Variants in NAXD observed in about 807,000 individuals in gnomAD.
NAXD encodes the protein ATP-dependent (S)-NAD(P)H-hydrate dehydratase.
Under a neutral mutation model 35.8 loss-of-function variants are expected in NAXD, and 22 were observed. That is an observed-to-expected ratio of 0.62 (90% CI 0.44 to 0.88). The LOEUF is 0.88. NAXD is among the 40% of genes least tolerant of loss of function. NAXD has a pLI of 0.00. For missense variants in NAXD, 428 were observed against 437.7 expected (o/e 0.98, Z 0.20); for synonymous variants, 189 against 177.6 (o/e 1.06, Z -0.51).
At position 110,625,407 on chromosome 13, in the gene NAXD, G is replaced by C. The variant is rs574866997; in HGVS notation, c.332+129G>C. The C allele has an allele frequency of 6.4e-5, 43 of 669,204 alleles. No homozygotes were observed. The East Asian group carries it at 1.2e-3, about 18-fold the overall frequency. The allele number at this position is 669,204 out of a possible 1,614,324, so 41.5% of individuals were successfully genotyped here. A position where few individuals can be genotyped will look rare whatever the true frequency, so the allele number is the denominator to read the frequency against. The stretch of plus-strand genomic sequence containing the variant: ...AGAGTTTCTCAGCAGGTGCTGTAGA[G>C]GAAGTAGGGAAATGAAGGAGCCCGT... On this transcript the variant is annotated intron_variant, in intron 4 of 9. Transcript: ENST00000680254.
At chr13:110,637,284 C>T in intron 9 of NAXD, 35 bp downstream of exon 9, 1 of 1,612,762 alleles carries the variant, frequency 6.2e-7, no homozygotes, top group Non-Finnish European at 8.5e-7. Context: ...TACTTTGAAA[C>T]CGTCTGATTT....
At chr13:110,623,369 C>T (rs1013813037) in intron 2 of NAXD, among the ~76,000 whole-genome samples, 33 of 152,222 alleles carry the variant, frequency 2.2e-4, no homozygotes, top group African/African-American at 7.0e-4. Context: ...TGACGGAGGG[C>T]AGGGCTCTTC....
intron 8 of NAXD, 70 bp from the exon 9 acceptor site, chr13:110,637,059 C>A: frequency 6.6e-7 from 1 of 1,520,300 alleles, no homozygotes. Context: ...CGGCCTTCCA[C>A]ACCCGTGGCT....
At chr13:110,625,140 C>T in intron 3 of NAXD, 50 bp from the exon 4 acceptor site, 4 of 1,385,774 alleles carry the variant, frequency 2.9e-6, no homozygotes, top group Non-Finnish European at 3.1e-6. Flanking sequence ...GGCGGGTGGG[C>T]AGCGATGCCG....
At chr13:110,631,329 C>T (rs1269254086) in intron 5 of NAXD, among the ~76,000 whole-genome samples, 1 of 152,164 alleles carries the variant, frequency 6.6e-6, no homozygotes. Context: ...TCAGCTTTTT[C>T]TTCATGTTAA....
In NAXD at chr13:110,625,213, C is replaced by T. The variant is rs1232437193; in HGVS notation, c.267C>T (p.Phe89=). The change falls in exon 4 of 10, where the codon TTC becomes TTT. Residue 89 remains phenylalanine, a synonymous_variant. Transcript: ENST00000680254. ...AGGGCGCAGACTTGTCCCACGTGTT[C>T]TGTGCCAGTGCGGCCGCACCTGTGA... ...LKVGADLSHV[F]CASAAAPVIK... 3.1e-6 allele frequency: 5 copies of T among 1,613,986 alleles called. No homozygotes were observed. The highest frequency in any genetic ancestry group is 1.7e-5 in the Admixed American group (1 of 60,034).
chr13:110,635,956 T>C (rs1324306490), intron 8 of NAXD, among the ~76,000 whole-genome samples: 4 of 152,254 alleles, frequency 2.6e-5, no homozygotes, highest in African/African-American at 9.6e-5. Flanking sequence ...CCACCATCCA[T>C]GCAGTTATTT....
intron 2 of NAXD, among the ~76,000 whole-genome samples, chr13:110,623,583 CT>C (rs1791418505): frequency 6.6e-6 from 1 of 152,244 alleles, no homozygotes; most frequent in African/African-American, 2.4e-5. Flanking sequence ...GTGGTTGTCA[CT>C]TTCTTCTCTC....
rs1886863808 is a variant in NAXD at position 110,634,892 on chromosome 13, C to T, written c.597+116C>T. The stretch of plus-strand genomic sequence containing the variant: ...CCCTGTGGACACACCTGCAAGTAAT[C>T]GCTGTGCCTCTCCCAGCGGATGGCG... On this transcript the variant is annotated intron_variant, in intron 7 of 9. Transcript: ENST00000680254. The T allele has an allele frequency of 3.1e-5, 23 of 740,036 alleles. No individual in the cohort carries two copies. The South Asian group carries it at 3.3e-4, about 11-fold the overall frequency. The allele number at this position is 740,036 out of a possible 1,614,324, so 45.8% of individuals were successfully genotyped here.
At chr13:110,633,613 A>G (rs902610712) in intron 5 of NAXD, among the ~76,000 whole-genome samples, 2 of 152,198 alleles carry the variant, frequency 1.3e-5, no homozygotes, top group Non-Finnish European at 1.5e-5. Context: ...AATGTTTTCT[A>G]TTTTAATGTT....
intron 6 of NAXD, 22 bp downstream of exon 6, chr13:110,634,617 T>C: frequency 1.2e-6 from 2 of 1,614,154 alleles, no homozygotes; most frequent in South Asian, 2.2e-5. Flanking sequence ...TCTCTCCTCC[T>C]GGCTCGGACT....
At chr13:110,619,672 G>C (rs1032474288) in intron 1 of NAXD, among the ~76,000 whole-genome samples, 3 of 152,162 alleles carry the variant, frequency 2.0e-5, no homozygotes, top group Non-Finnish European at 2.9e-5. Context: ...TTGAGATATT[G>C]CTGGTTGTCA....
chr13:110,632,160 C>T (rs559575544), intron 5 of NAXD, among the ~76,000 whole-genome samples: 51 of 135,106 alleles, frequency 3.8e-4, no homozygotes, highest in African/African-American at 1.3e-3. Flanking sequence ...CTGGTGGGTT[C>T]GTGGTCTCTG....
At position 110,638,175 on chromosome 13, in the gene NAXD, C is replaced by T; in HGVS notation, c.840-203C>T. ...CGAGTACATAGACGTTTCCTGTGTG[C>T]CTCCTGCCAGGGAGTAGTGGAGGGT... is the stretch of plus-strand genomic sequence containing the variant. On this transcript the variant is annotated intron_variant, in intron 9 of 9. Coordinates refer to ENST00000680254, the MANE Select transcript of NAXD (RefSeq NM_001242882.2). This position sits in a 1 kb window ranked among gnomAD's most constrained non-coding sequence, Gnocchi z 5.4. 6.9e-7 allele frequency: 1 copy of T among 1,446,258 alleles called. No homozygotes were observed. The allele number at this position is 1,446,258 out of a possible 1,614,324, so 89.6% of individuals were successfully genotyped here.
intron 5 of NAXD, among the ~76,000 whole-genome samples, chr13:110,627,954 C>T (rs934060161): frequency 3.3e-5 from 5 of 152,202 alleles, no homozygotes; most frequent in African/African-American, 9.6e-5. Context: ...CCACACAGCC[C>T]TGGCGCCATG....
At chr13:110,618,949 C>T (rs7987797) in intron 1 of NAXD, among the ~76,000 whole-genome samples, 3 of 152,330 alleles carry the variant, frequency 2.0e-5, no homozygotes, top group African/African-American at 7.2e-5. Flanking sequence ...AGGACAAGCA[C>T]TTGGAACACA....
chr13:110,627,911 C>G (rs1315199061), intron 5 of NAXD, among the ~76,000 whole-genome samples: 2 of 152,104 alleles, frequency 1.3e-5, no homozygotes, highest in African/African-American at 4.8e-5. Flanking sequence ...CTGGGGGATC[C>G]TGGGGTTCCC....
chr13:110,624,941 C>T (rs567205121), intron 3 of NAXD, among the ~76,000 whole-genome samples: 5 of 152,242 alleles, frequency 3.3e-5, no homozygotes, highest in East Asian at 3.8e-4. Context: ...GTGACCAGAC[C>T]GAGCTGGGCC....
intron 2 of NAXD, 62 bp downstream of exon 2, chr13:110,622,428 G>T: frequency 6.4e-7 from 1 of 1,552,238 alleles, no homozygotes; most frequent in South Asian, 1.1e-5. Context: ...CTGCTTACCT[G>T]ACTGTCATTC....
Sources: allele counts gnomAD v4.1 joint callset (sites outside exome capture counted in the v4.1 genomes callset), GRCh38; gene constraint gnomAD v4.1.1; non-coding constraint Gnocchi (gnomAD v3.1); transcripts MANE v1.5; gene names NCBI Gene and HGNC (gene_info 2026-07-23, HGNC 2026-07-21).